The following MMD2 variants were observed in gnomAD, a reference collection of about 807,000 sequenced individuals.
MMD2 encodes the protein monocyte to macrophage differentiation factor 2.
MMD2 carries 30 observed loss-of-function variants against 33.5 expected under a neutral mutation model. The observed-to-expected ratio is 0.90, with a 90% CI of 0.67 to 1.22. The LOEUF (loss-of-function observed/expected upper bound fraction) is 1.22, where lower values mean the gene tolerates loss of function less well. MMD2 is among the 50% of genes most tolerant of loss of function. The probability of loss-of-function intolerance (pLI) is 0.00; values close to 1 mark genes in which losing one functional copy is unlikely to be tolerated. For synonymous variants in MMD2, 129 were observed against 123.0 expected, an observed-to-expected ratio of 1.05 and a Z score of -0.32; for missense variants, 364 against 325.4, an observed-to-expected ratio of 1.12 and a Z score of -0.91.
chr7:4,943,498 C>T (rs2115145169), intron 1 of MMD2, among the ~76,000 whole-genome samples: 1 of 152,234 alleles, frequency 6.6e-6, no homozygotes. Context: ...AAGACTGAGA[C>T]CCAACTGCTC....
chr7:4,909,823 G>A (rs1583355425), intron 6 of MMD2, 58 bp downstream of exon 6: 1 of 1,563,078 alleles, frequency 6.4e-7, no homozygotes, highest in African/African-American at 1.4e-5. Flanking sequence ...GCCAGGTCCA[G>A]CTCGGACACT....
At chr7:4,936,498 T>G (rs1562489527) in intron 1 of MMD2, among the ~76,000 whole-genome samples, 1 of 152,132 alleles carries the variant, frequency 6.6e-6, no homozygotes, top group Non-Finnish European at 1.5e-5. Context: ...GTTTGAATCT[T>G]TATAAGATTG....
chr7:4,945,224 C>CTTCTTCTT, intron 1 of MMD2, among the ~76,000 whole-genome samples: 1 of 144,812 alleles, frequency 6.9e-6, no homozygotes. Context: ...TCTTCTTCTT[C>CTTCTTCTT]TTCTTCTTCT....
At chr7:4,956,013 A>G (rs113368786) in intron 1 of MMD2, among the ~76,000 whole-genome samples, 3,738 of 152,282 alleles carry the variant, frequency 0.025, 154 homozygotes, top group African/African-American at 0.086. Context: ...AGATTGCGCC[A>G]TTGCACTCCA....
intron 1 of MMD2, among the ~76,000 whole-genome samples, chr7:4,926,248 C>A (rs1404325770): frequency 6.6e-6 from 1 of 152,122 alleles, no homozygotes; most frequent in Non-Finnish European, 1.5e-5. Flanking sequence ...CAGGCACAAT[C>A]TACCATGCCC....
rs566811409 is a variant in MMD2 at position 4,945,329 on chromosome 7, C to T, written c.47+13642G>A. On this transcript the variant is annotated intron_variant, in intron 1 of 6. Coordinates refer to ENST00000401401, the MANE Select transcript of MMD2 (RefSeq NM_198403.4). Reference sequence around the variant, plus strand: ...TGTCACCCAGGCTGGAGTGCAGTGGCGTGATCTCGGCTCACTGCAACCTCT... The same window carrying T: ...TGTCACCCAGGCTGGAGTGCAGTGGTGTGATCTCGGCTCACTGCAACCTCT... 5.4e-5 allele frequency among the ~76,000 whole-genome samples: 8 copies of T among 149,442 alleles called. No individual in the cohort carries two copies. In the East Asian group the frequency reaches 1.2e-3, roughly 22 times the overall value.
chr7:4,905,693 A>G (rs1035096985), downstream of MMD2, among the ~76,000 whole-genome samples: 2 of 152,040 alleles, frequency 1.3e-5, no homozygotes, highest in African/African-American at 4.8e-5. The surrounding 1 kb of genome is among the most constrained non-coding windows in gnomAD (Gnocchi z 5.0). Context: ...GCAGAGGTCA[A>G]GTTTTCAGTG....
intron 1 of MMD2, among the ~76,000 whole-genome samples, chr7:4,934,229 C>T (rs1016550842): frequency 6.6e-6 from 1 of 151,932 alleles, no homozygotes; most frequent in Non-Finnish European, 1.5e-5. Flanking sequence ...TATGCCCGGC[C>T]CACAATGCTT....
intron 1 of MMD2, among the ~76,000 whole-genome samples, chr7:4,931,108 C>T (rs1045692143): frequency 6.6e-6 from 1 of 152,130 alleles, no homozygotes; most frequent in African/African-American, 2.4e-5. Flanking sequence ...GTCTCTGGCT[C>T]CTAAAGTGCC....
At chr7:4,893,269 G>A in the MMD2 span, among the ~76,000 whole-genome samples, 1 of 152,026 alleles carries the variant, frequency 6.6e-6, no homozygotes, top group Non-Finnish European at 1.5e-5. Flanking sequence ...AGAGTAAAGT[G>A]AAGTTTATTA....
At chr7:4,901,824 C>G (rs1306280135), downstream of MMD2, among the ~76,000 whole-genome samples, 1 of 152,234 alleles carries the variant, frequency 6.6e-6, no homozygotes, top group Non-Finnish European at 1.5e-5. Context: ...GCATTTGCGA[C>G]GACCAATTAC....
At chr7:4,947,274 G>A (rs1442853084) in intron 1 of MMD2, among the ~76,000 whole-genome samples, 1 of 152,112 alleles carries the variant, frequency 6.6e-6, no homozygotes, top group African/African-American at 2.4e-5. Flanking sequence ...TGTACAGGAA[G>A]CATGGCGGCT....
rs1194613811 is a variant in MMD2, at chr7:4,946,990, C to A, written c.47+11981G>T. On this transcript the variant is annotated intron_variant, in intron 1 of 6. Coordinates refer to ENST00000401401, the MANE Select transcript of MMD2 (RefSeq NM_198403.4). The surrounding 1 kb of genome is among the most constrained non-coding windows in gnomAD (Gnocchi z 5.0). ...TGGGAGACCGAGATGGGCCGATCAC[C>A]TGAGGTCAGGAGTTCAAGACCAACG... Among the ~76,000 whole-genome samples, 3 of 152,074 alleles carry A rather than the reference C, an allele frequency of 2.0e-5. No individual in the cohort carries two copies. The highest frequency in any genetic ancestry group is 4.4e-5 in the Non-Finnish European group (3 of 68,026).
chr7:4,930,363 G>T (rs1456808557), intron 1 of MMD2, among the ~76,000 whole-genome samples: 1 of 151,674 alleles, frequency 6.6e-6, no homozygotes. Context: ...AAACAGGCCG[G>T]GCATGGTGGC....
downstream of MMD2, among the ~76,000 whole-genome samples, chr7:4,902,939 T>A (rs1193398869): frequency 6.6e-6 from 1 of 152,202 alleles, no homozygotes; most frequent in Non-Finnish European, 1.5e-5. Flanking sequence ...TTTTGCAAAC[T>A]GATACGGAAA....
chr7:4,909,299 T>C (rs1784945731), intron 6 of MMD2, among the ~76,000 whole-genome samples: 1 of 151,272 alleles, frequency 6.6e-6, no homozygotes. Context: ...CTGGGCAACA[T>C]AGTGAGACCC....
At chr7:4,902,595 G>A (rs73042338), downstream of MMD2, among the ~76,000 whole-genome samples, 2,345 of 152,216 alleles carry the variant, frequency 0.015, 44 homozygotes, top group South Asian at 0.047. Context: ...TGCCTGCCCC[G>A]CTTCCAGCTC....
At chr7:4,903,755 C>CAGAGGCCA (rs1274877813), downstream of MMD2, among the ~76,000 whole-genome samples, 1 of 152,218 alleles carries the variant, frequency 6.6e-6, no homozygotes, top group African/African-American at 2.4e-5. Context: ...TGGCAGTGCC[C>CAGAGGCCA]ACTGAGCGCA....
chr7:4,921,503 C>A (rs1483305995), intron 2 of MMD2, among the ~76,000 whole-genome samples: 1 of 151,712 alleles, frequency 6.6e-6, no homozygotes, highest in Non-Finnish European at 1.5e-5. Context: ...CACCTGTAAT[C>A]CCAGCTACTC....
Sources: allele counts gnomAD v4.1 joint callset (sites outside exome capture counted in the v4.1 genomes callset), GRCh38; gene constraint gnomAD v4.1.1; non-coding constraint Gnocchi (gnomAD v3.1); transcripts MANE v1.5; gene names NCBI Gene and HGNC (gene_info 2026-07-23, HGNC 2026-07-21).